CCDC178: variants seen among roughly 807,000 people sequenced by gnomAD.
CCDC178 encodes coiled-coil domain containing 178.
Under a neutral mutation model 117.4 loss-of-function variants are expected in CCDC178, and 126 were observed. The ratio of observed to expected loss-of-function variants is 1.07; its 90% confidence interval spans 0.93 to 1.24. The LOEUF is 1.24. CCDC178 is among the 50% of genes most tolerant of loss of function. The pLI, the probability that CCDC178 is intolerant of heterozygous loss-of-function variation, is 0.00. For missense variants in CCDC178, 1,030 were observed against 986.9 expected (o/e 1.04, Z -0.59); for synonymous variants, 283 against 313.4 (o/e 0.90, Z 1.02).
intron 7 of CCDC178, among the ~76,000 whole-genome samples, chr18:33,351,103 T>G (rs62093109): frequency 1.3e-5 from 2 of 151,764 alleles, no homozygotes; most frequent in Admixed American, 1.3e-4. Flanking sequence ...AATTTTCGTA[T>G]GCTAAACCAC....
At chr18:33,165,472 A>G (rs1400509794) in intron 20 of CCDC178, among the ~76,000 whole-genome samples, 3 of 152,338 alleles carry the variant, frequency 2.0e-5, no homozygotes, top group East Asian at 3.9e-4. Flanking sequence ...TTGCATCCTC[A>G]GGTTTTGGTA....
chr18:33,040,801 A>C (rs1315416837), intron 21 of CCDC178, among the ~76,000 whole-genome samples: 1 of 151,924 alleles, frequency 6.6e-6, no homozygotes, highest in African/African-American at 2.4e-5. Flanking sequence ...AAAAAATAGC[A>C]CATGGTAAGC....
At chr18:33,270,709 TA>T (rs1288418408) in intron 12 of CCDC178, among the ~76,000 whole-genome samples, 1 of 151,534 alleles carries the variant, frequency 6.6e-6, no homozygotes, top group Non-Finnish European at 1.5e-5. Context: ...ACCTGTTCTA[TA>T]AAAAATACTC....
At chr18:33,071,744 T>C (rs186679129) in intron 21 of CCDC178, among the ~76,000 whole-genome samples, 167 of 152,236 alleles carry the variant, frequency 1.1e-3, no homozygotes, top group Admixed American at 6.2e-3. Flanking sequence ...CAAAGGGAAA[T>C]TGAAATTTCA....
At chr18:33,097,495 T>C (rs2057560554) in intron 20 of CCDC178, among the ~76,000 whole-genome samples, 1 of 152,068 alleles carries the variant, frequency 6.6e-6, no homozygotes, top group African/African-American at 2.4e-5. Context: ...TGTTTTGGAG[T>C]ATTTGTTATA....
chr18:33,193,959 G>A (rs2058894423), intron 20 of CCDC178, among the ~76,000 whole-genome samples: 1 of 152,164 alleles, frequency 6.6e-6, no homozygotes, highest in South Asian at 2.1e-4. Flanking sequence ...ATGGAGGAAG[G>A]CAGACAGGCA....
chr18:33,396,621 G>A (rs2063640557), intron 4 of CCDC178, among the ~76,000 whole-genome samples: 1 of 152,062 alleles, frequency 6.6e-6, no homozygotes, highest in Admixed American at 6.6e-5. Context: ...TTGAACAAGG[G>A]CAGCAACAAA....
intron 5 of CCDC178, among the ~76,000 whole-genome samples, chr18:33,371,884 A>G (rs1417020394): frequency 6.6e-6 from 1 of 151,942 alleles, no homozygotes. Context: ...TCCTATCCAA[A>G]TATCTTGATA....
chr18:33,345,603 C>T (rs2062880735), intron 9 of CCDC178, among the ~76,000 whole-genome samples: 1 of 152,146 alleles, frequency 6.6e-6, no homozygotes, highest in Non-Finnish European at 1.5e-5. Flanking sequence ...CACCAACTGG[C>T]AATCACTTTA....
intron 21 of CCDC178, among the ~76,000 whole-genome samples, chr18:33,000,144 T>C (rs2055601439): frequency 6.7e-6 from 1 of 148,322 alleles, no homozygotes; most frequent in Non-Finnish European, 1.5e-5. Flanking sequence ...AACAAGGAGA[T>C]TGAAATAATT....
intron 2 of CCDC178, among the ~76,000 whole-genome samples, chr18:33,419,304 A>G (rs2144926359): frequency 1.3e-5 from 2 of 152,340 alleles, no homozygotes; most frequent in Middle Eastern, 3.4e-3. Context: ...AAGATGAATT[A>G]AGACTTAAAT....
intron 20 of CCDC178, among the ~76,000 whole-genome samples, chr18:33,102,586 T>G (rs555362756): frequency 8.4e-4 from 127 of 151,890 alleles, no homozygotes; most frequent in African/African-American, 3.0e-3. Context: ...AATGTCTTCA[T>G]TCTTTTGCTG....
intron 9 of CCDC178, among the ~76,000 whole-genome samples, chr18:33,340,804 T>G (rs566594052): frequency 1.3e-5 from 2 of 152,240 alleles, no homozygotes; most frequent in South Asian, 2.1e-4. Context: ...TTCAGATGTA[T>G]GGAAATGCCT....
intron 21 of CCDC178, among the ~76,000 whole-genome samples, chr18:32,991,096 TA>T (rs2144741845): frequency 6.6e-6 from 1 of 152,054 alleles, no homozygotes; most frequent in African/African-American, 2.4e-5. Flanking sequence ...TTCAATATCT[TA>T]GTTACTTCTA....
In CCDC178 at chr18:33,265,950, T is replaced by C. The variant is rs182032818; in HGVS notation, c.1409+966A>G. Among the ~76,000 whole-genome samples, 15 of 152,060 alleles carry C rather than the reference T, an allele frequency of 9.9e-5. No individual in the cohort carries two copies. The East Asian group carries it at 2.9e-3, about 29-fold the overall frequency. On this transcript the variant is annotated intron_variant, in intron 14 of 22. Transcript: ENST00000383096. ...TAGTATGTGGAATAGTTCTTGTTGATCCATTAAATATGAGAGTTGAAATAG... is the reference window on the plus strand; with the variant it reads ...TAGTATGTGGAATAGTTCTTGTTGACCCATTAAATATGAGAGTTGAAATAG...
intron 20 of CCDC178, among the ~76,000 whole-genome samples, chr18:33,110,441 C>T (rs1490674894): frequency 6.6e-6 from 1 of 151,478 alleles, no homozygotes; most frequent in Admixed American, 6.6e-5. Context: ...ATGGTTGGTA[C>T]TTGTGTCTCA....
chr18:33,178,686 C>T (rs918137060), intron 20 of CCDC178, among the ~76,000 whole-genome samples: 2 of 152,028 alleles, frequency 1.3e-5, no homozygotes, highest in African/African-American at 2.4e-5. Flanking sequence ...ACCATGTTTT[C>T]AATTGCACTG....
At chr18:33,345,559 T>C (rs1456783548) in intron 9 of CCDC178, among the ~76,000 whole-genome samples, 2 of 152,180 alleles carry the variant, frequency 1.3e-5, no homozygotes, top group Admixed American at 6.5e-5. Flanking sequence ...TAAAACTCTT[T>C]CAATTTTCCT....
chr18:33,057,073 G>A (rs894571129), intron 21 of CCDC178, among the ~76,000 whole-genome samples: 1 of 150,732 alleles, frequency 6.6e-6, no homozygotes, highest in South Asian at 2.1e-4. Context: ...AAATAAGCAA[G>A]CAAGCAGAAT....
Sources: allele counts gnomAD v4.1 joint callset (sites outside exome capture counted in the v4.1 genomes callset), GRCh38; gene constraint gnomAD v4.1.1; transcripts MANE v1.5; gene names NCBI Gene and HGNC (gene_info 2026-07-23, HGNC 2026-07-21).